The following DCHS2 variants were observed in gnomAD, a reference collection of about 807,000 sequenced individuals.
DCHS2 encodes dachsous cadherin-related 2.
Under a neutral mutation model 182.4 loss-of-function variants are expected in DCHS2, and 142 were observed. That is an observed-to-expected ratio of 0.78 (90% confidence interval 0.68 to 0.89). DCHS2 has a LOEUF of 0.89. Among genes scored for constraint, DCHS2 ranks in the 40% least tolerant of loss-of-function variants. The pLI, the probability that DCHS2 is intolerant of heterozygous loss-of-function variation, is 0.00. For missense variants in DCHS2, 4,319 were observed against 4,198.6 expected (o/e 1.03, Z -0.79); for synonymous variants, 1,740 against 1,663.3 (o/e 1.05, Z -1.12).
Position 154,334,916 on chromosome 4 carries a change from C to A in DCHS2, c.2665G>T (p.Val889Leu). 6.2e-7 allele frequency: 1 copy of A among 1,614,206 alleles called. No individual in the cohort carries two copies. Among genetic ancestry groups the A allele is most frequent in the East Asian group, 2.2e-5 (1 of 44,882 alleles). ...GTTCCAATGGGACTATCTTCAGGCACATCTTCATAAACTAAGAAAGTGTAC... is the reference window on the plus strand; with the variant it reads ...GTTCCAATGGGACTATCTTCAGGCAAATCTTCATAAACTAAGAAAGTGTAC... The part of the protein sequence containing the change: ...PKYTFLVYED[V>L]PEDSPIGTVK... Residue 889 changes from valine (V) to leucine (L), a missense_variant, in exon 4 of 20, where the codon GTG (valine) becomes TTG (leucine). Transcript: ENST00000357232.
At chr4:154,296,842 T>A (rs537879858) in intron 13 of DCHS2, among the ~76,000 whole-genome samples, 1 of 152,176 alleles carries the variant, frequency 6.6e-6, no homozygotes, top group Non-Finnish European at 1.5e-5. Flanking sequence ...TAGGCATCTA[T>A]TTTTCATTTG....
At chr4:154,410,470 CA>C (rs61280673) in intron 1 of DCHS2, among the ~76,000 whole-genome samples, 110 of 70,348 alleles carry the variant, frequency 1.6e-3, no homozygotes, top group Middle Eastern at 0.011. Context: ...ACCCAGAGGG[CA>C]AAAAAAAAAA....
At chr4:154,402,282 A>T (rs957580316) in intron 1 of DCHS2, among the ~76,000 whole-genome samples, 1 of 152,198 alleles carries the variant, frequency 6.6e-6, no homozygotes, top group Non-Finnish European at 1.5e-5. Flanking sequence ...TGATTAATAT[A>T]GCTTTATACA....
chr4:154,355,265 A>G (rs1317102394), intron 3 of DCHS2, among the ~76,000 whole-genome samples: 1 of 152,138 alleles, frequency 6.6e-6, no homozygotes, highest in Non-Finnish European at 1.5e-5. Context: ...AATGAAAGCA[A>G]CCTATGATCA....
At chr4:154,449,481 C>T (rs867193308) in intron 1 of DCHS2, among the ~76,000 whole-genome samples, 2 of 152,016 alleles carry the variant, frequency 1.3e-5, no homozygotes, top group African/African-American at 4.8e-5. Context: ...AGGGACCCTC[C>T]CACCTCAGCC....
chr4:154,329,940 C>T (rs1038996765), intron 5 of DCHS2, among the ~76,000 whole-genome samples: 10 of 152,172 alleles, frequency 6.6e-5, no homozygotes, highest in African/African-American at 2.2e-4. Context: ...TATCATCCAT[C>T]GATCATTTGA....
chr4:154,446,610 A>G (rs1245090264), intron 1 of DCHS2, among the ~76,000 whole-genome samples: 2 of 152,188 alleles, frequency 1.3e-5, no homozygotes, highest in African/African-American at 2.4e-5. Context: ...GAGATCATAT[A>G]CAGAGAGTAA....
chr4:154,341,182 C>T (rs1468177278), intron 3 of DCHS2, among the ~76,000 whole-genome samples: 1 of 152,024 alleles, frequency 6.6e-6, no homozygotes, highest in East Asian at 1.9e-4. Flanking sequence ...TCCTGGCTAA[C>T]ACAGTGAAAC....
chr4:154,256,220 C>T (rs1017760686), intron 15 of DCHS2, among the ~76,000 whole-genome samples: 1 of 152,086 alleles, frequency 6.6e-6, no homozygotes, highest in Admixed American at 6.5e-5. Flanking sequence ...ATTCATGGTT[C>T]ACTGCAGCCT....
In DCHS2 at chr4:154,320,552, T is replaced by C. The variant is rs1256298228; in HGVS notation, c.4847A>G (p.His1616Arg). The C allele has an allele frequency of 1.2e-6, 2 of 1,614,106 alleles. No individual in the cohort carries two copies. Among genetic ancestry groups the C allele is most frequent in the African/African-American group, 1.3e-5 (1 of 75,034 alleles). The change falls in exon 9 of 20, where the codon CAC (histidine) becomes CGC (arginine). Residue 1616 changes from histidine (H) to arginine (R), a missense_variant. Coordinates refer to ENST00000357232, the MANE Select transcript of DCHS2 (RefSeq NM_001358235.2). Reference protein sequence around the residue: ...AQIVILDVNDHNPTFISFPNA... With the variant: ...AQIVILDVNDRNPTFISFPNA... Reference sequence around the variant, plus strand: ...GGGGAAAGAAATAAAAGTGGGGTTGTGGTCATTTACATCCAAAATCACTAT... The same window carrying C: ...GGGGAAAGAAATAAAAGTGGGGTTGCGGTCATTTACATCCAAAATCACTAT...
intron 10 of DCHS2, among the ~76,000 whole-genome samples, chr4:154,313,520 T>A (rs1354682719): frequency 6.6e-6 from 1 of 152,152 alleles, no homozygotes; most frequent in Non-Finnish European, 1.5e-5. Flanking sequence ...ATACGTACTA[T>A]AAAGTAAACC....
chr4:154,280,626 A>G (rs955284134), intron 13 of DCHS2, among the ~76,000 whole-genome samples: 18 of 152,272 alleles, frequency 1.2e-4, no homozygotes, highest in African/African-American at 3.8e-4. Flanking sequence ...TAAAAATTAC[A>G]TGATCATCTC....
At chr4:154,473,117 G>C (rs1735542939) in intron 1 of DCHS2, among the ~76,000 whole-genome samples, 1 of 152,236 alleles carries the variant, frequency 6.6e-6, no homozygotes, top group African/African-American at 2.4e-5. Context: ...AATCGGGTGG[G>C]CTCTATCATC....
At chr4:154,443,802 G>T (rs1734136303) in intron 1 of DCHS2, among the ~76,000 whole-genome samples, 1 of 152,064 alleles carries the variant, frequency 6.6e-6, no homozygotes, top group Non-Finnish European at 1.5e-5. Context: ...TCCCCATTCT[G>T]CTATCCAAAT....
chr4:154,318,250 T>C (rs1237625394), intron 9 of DCHS2, among the ~76,000 whole-genome samples: 1 of 151,274 alleles, frequency 6.6e-6, no homozygotes, highest in African/African-American at 2.4e-5. Context: ...TATACATATA[T>C]ACATATATAA....
intron 1 of DCHS2, among the ~76,000 whole-genome samples, chr4:154,417,899 A>C (rs1198649103): frequency 6.6e-6 from 1 of 152,192 alleles, no homozygotes; most frequent in Non-Finnish European, 1.5e-5. Context: ...AAAATTTCTC[A>C]ATGTTAAGCT....
At chr4:154,306,559 A>G (rs1044879210) in intron 10 of DCHS2, among the ~76,000 whole-genome samples, 1 of 152,082 alleles carries the variant, frequency 6.6e-6, no homozygotes, top group African/African-American at 2.4e-5. Context: ...AAAAAGAGAG[A>G]AATATCAGGT....
Position 154,333,465 on chromosome 4 carries a change from A to G in DCHS2, c.2743T>C (p.Ser915Pro). The change falls in exon 5 of 20, where the codon TCT becomes CCT. Residue 915 changes from serine to proline, a missense_variant. Physicochemically the swap from Ser to Pro is moderately conservative, Grantham distance 74. Coordinates refer to ENST00000357232, the MANE Select transcript of DCHS2 (RefSeq NM_001358235.2). ...AACTTTCCGCCGAGATCACCAGAAGAAATCCTGTAAAAGATTGGTTCTGAG... is the reference window on the plus strand; with the variant it reads ...AACTTTCCGCCGAGATCACCAGAAGGAATCCTGTAAAAGATTGGTTCTGAG... Reference protein sequence around the residue: ...NSSEPIFYRISSGDLGGKFSI... With the variant: ...NSSEPIFYRIPSGDLGGKFSI... The G allele has an allele frequency of 6.2e-7, 1 of 1,613,464 alleles. No homozygotes were observed. Among genetic ancestry groups the G allele is most frequent in the African/African-American group, 1.3e-5 (1 of 75,044 alleles).
rs1349344729 is a variant in DCHS2 at position 154,333,490 on chromosome 4, G to T, written c.2718C>A (p.Ser906=). 1 of 1,606,960 alleles carries T rather than the reference G, an allele frequency of 6.2e-7. No individual in the cohort carries two copies. Among genetic ancestry groups the T allele is most frequent in the Non-Finnish European group, 8.5e-7 (1 of 1,174,810 alleles). Residue 906 remains serine (S), a synonymous_variant, in exon 5 of 20, where the codon TCC becomes TCA. Transcript: ENST00000357232. The part of the protein sequence containing the change: ...GTVKAREPLN[S]SEPIFYRISS... ...AAATCCTGTAAAAGATTGGTTCTGA[G>T]GAGTCTGAAAAAGAGAGAGGGGACA...
Sources: allele counts gnomAD v4.1 joint callset (sites outside exome capture counted in the v4.1 genomes callset), GRCh38; gene constraint gnomAD v4.1.1; transcripts MANE v1.5; gene names NCBI Gene and HGNC (gene_info 2026-07-23, HGNC 2026-07-21).